Variants in ADPRHL1 observed in about 807,000 individuals in gnomAD.
ADPRHL1 encodes ADP-ribosylhydrolase like 1, also known as inactive ADP-ribosyltransferase ARH2.
ADPRHL1 carries 43 observed loss-of-function variants against 44.1 expected under a neutral mutation model. The ratio of observed to expected loss-of-function variants is 0.98; its 90% CI spans 0.76 to 1.26. The LOEUF is 1.26. ADPRHL1 is among the 50% of genes most tolerant of loss of function. The pLI, the probability that ADPRHL1 is intolerant of heterozygous loss-of-function variation, is 0.00. For synonymous variants in ADPRHL1, 878 were observed against 1,017.4 expected (o/e 0.86, Z 2.61); for missense variants, 2,022 against 2,496.9 (o/e 0.81, Z 4.05).
At chr13:113,442,745 T>A (rs1350734966) in intron 2 of ADPRHL1, among the ~76,000 whole-genome samples, 1 of 152,230 alleles carries the variant, frequency 6.6e-6, no homozygotes, top group Non-Finnish European at 1.5e-5. Flanking sequence ...TTTCATCAAA[T>A]TTGGAACAAT....
Position 113,418,107 on chromosome 13 carries a change from T to G in ADPRHL1, c.1061+4719A>C, listed in dbSNP as rs982924551. ...AGGGGAAGGGGAGAAGGCTTGAGTG[T>G]GGTTTTCGGATGCGTCGGGTTTAAA... On this transcript the variant is annotated intron_variant, in intron 7 of 7. Transcript: ENST00000612156. Among the ~76,000 whole-genome samples, 3 of 152,206 alleles carry G rather than the reference T, an allele frequency of 2.0e-5. No individual in the cohort carries two copies. The East Asian group carries it at 5.8e-4, about 29-fold the overall frequency.
chr13:113,451,364 G>C (rs2044178371), intron 1 of ADPRHL1, among the ~76,000 whole-genome samples: 1 of 151,888 alleles, frequency 6.6e-6, no homozygotes, highest in Non-Finnish European at 1.5e-5. Context: ...TCAGTGCCTG[G>C]GTGGCTTGCC....
In ADPRHL1 at chr13:113,453,151, G is replaced by C; in HGVS notation, c.214+73C>G. The C allele has an allele frequency of 6.5e-7, 1 of 1,545,538 alleles. No homozygotes were observed. Among genetic ancestry groups the C allele is most frequent in the Non-Finnish European group, 8.9e-7 (1 of 1,123,126 alleles). On this transcript the variant is annotated intron_variant, in intron 1 of 7. Coordinates refer to ENST00000612156, the MANE Select transcript of ADPRHL1 (RefSeq NM_001394807.1). This position sits in a 1 kb window ranked among gnomAD's most constrained non-coding sequence, Gnocchi z 5.4. ...CCGCACTGCCTTCAAAGCTCTCGGA[G>C]GCTTACTGGGAGAACTCGAGCAGCC...
intron 1 of ADPRHL1, among the ~76,000 whole-genome samples, chr13:113,451,374 C>T (rs1414798283): frequency 6.6e-6 from 1 of 152,078 alleles, no homozygotes; most frequent in Non-Finnish European, 1.5e-5. Flanking sequence ...GGTGGCTTGC[C>T]GCCCACAGTA....
chr13:113,427,386 C>T (rs772340681), intron 4 of ADPRHL1, among the ~76,000 whole-genome samples: 15 of 152,328 alleles, frequency 9.8e-5, no homozygotes, highest in Non-Finnish European at 1.8e-4. Flanking sequence ...CAGACAACAA[C>T]CTCAGCTGGA....
rs1242063635 is a variant in ADPRHL1, at chr13:113,405,661, G to A, written c.3621C>T (p.Thr1207=). 8.1e-7 allele frequency: 1 copy of A among 1,232,622 alleles called. No homozygotes were observed. Among genetic ancestry groups the A allele is most frequent in the East Asian group, 3.2e-5 (1 of 31,738 alleles). The allele number at this position is 1,232,622 out of a possible 1,614,324, so 76.4% of individuals were successfully genotyped here. A position where few individuals can be genotyped will look rare whatever the true frequency, so the allele number is the denominator to read the frequency against. ...CAGCATCCTCCGGGTGGCGGGCGAG[G>A]GTCGCAATGTCCTCTGGGTGCTGGA... ...ALVQHPEDIA[T]LARHPEDAAA... The change falls in exon 8 of 8, where the codon ACC becomes ACT. Residue 1207 remains threonine (T), a synonymous_variant. Coordinates refer to ENST00000612156, the MANE Select transcript of ADPRHL1 (RefSeq NM_001394807.1).
chr13:113,444,586 T>A lies in ADPRHL1; in HGVS notation c.218A>T (p.Tyr73Phe), dbSNP rs755794055. Residue 73 changes from tyrosine (Y) to phenylalanine (F), a missense_variant, in exon 2 of 8, where the codon TAC becomes TTC. Transcript: ENST00000612156. ...IATAEALTTD[Y>F]WCLDDLYREM... Reference sequence around the variant, plus strand: ...CCGGTACAGATCATCCAGGCACCAGTAGTCTGCGGAAGAAAGGGAGGGCAG... The same window carrying A: ...CCGGTACAGATCATCCAGGCACCAGAAGTCTGCGGAAGAAAGGGAGGGCAG... 4 of 1,613,368 alleles carry A rather than the reference T, an allele frequency of 2.5e-6. No individual in the cohort carries two copies. The highest frequency in any genetic ancestry group is 3.4e-6 in the Non-Finnish European group (4 of 1,179,502).
rs188538537 is a variant in ADPRHL1 at position 113,407,654 on chromosome 13, C to T, written c.1628G>A (p.Gly543Asp). The change falls in exon 8 of 8, where the codon GGC becomes GAC. Residue 543 changes from glycine to aspartate, a missense_variant. Around this residue, in one of 8 missense-constraint regions of ADPRHL1, gnomAD observed 1,221 missense variants for 1,517.8 expected, o/e 0.80. Transcript: ENST00000612156. ...CAGCTTGGACAGCACCGAGCTCTTGCCCATGATCTTCGGCAAGAGGCCCCT... is the reference window on the plus strand; with the variant it reads ...CAGCTTGGACAGCACCGAGCTCTTGTCCATGATCTTCGGCAAGAGGCCCCT... ...AARGLLPKIM[G>D]KSSVLSKLRE... 1 of 1,232,076 alleles carries T rather than the reference C, an allele frequency of 8.1e-7. No homozygotes were observed. 76.3% of individuals were successfully genotyped at this position (1,232,076 alleles called of 1,614,324 possible).
intron 2 of ADPRHL1, among the ~76,000 whole-genome samples, chr13:113,443,311 T>C (rs950045697): frequency 2.0e-5 from 3 of 152,146 alleles, no homozygotes; most frequent in African/African-American, 7.2e-5. Flanking sequence ...GGGTTTTGCT[T>C]TTAGGATTTA....
At chr13:113,411,983 G>A (rs1473253987) in intron 7 of ADPRHL1, among the ~76,000 whole-genome samples, 3 of 152,248 alleles carry the variant, frequency 2.0e-5, no homozygotes, top group South Asian at 2.1e-4. Context: ...TCTGGTCCCC[G>A]CCCCTCGTGG....
chr13:113,413,371 G>A (rs2043869887), intron 7 of ADPRHL1, among the ~76,000 whole-genome samples: 1 of 149,192 alleles, frequency 6.7e-6, no homozygotes, highest in African/African-American at 2.4e-5. Flanking sequence ...GCCTTTCCCA[G>A]AGGCCCAGCT....
intron 7 of ADPRHL1, among the ~76,000 whole-genome samples, chr13:113,413,950 G>A (rs1386164094): frequency 2.6e-5 from 4 of 152,350 alleles, no homozygotes; most frequent in Admixed American, 1.3e-4. Context: ...CCATCACAGC[G>A]CAGGAGACAC....
chr13:113,429,944 T>C (rs999371310), intron 3 of ADPRHL1, among the ~76,000 whole-genome samples: 9 of 152,232 alleles, frequency 5.9e-5, no homozygotes, highest in Admixed American at 1.3e-4. Flanking sequence ...TGCGAGTATA[T>C]ATGTATTTAA....
chr13:113,441,406 T>C lies in ADPRHL1; in HGVS notation c.379+3019A>G, dbSNP rs2139645452. Among the ~76,000 whole-genome samples the C allele has an allele frequency of 6.6e-6, 1 of 152,298 alleles. No homozygotes were observed. Among genetic ancestry groups the C allele is most frequent in the South Asian group, 2.1e-4 (1 of 4,830 alleles). The stretch of plus-strand genomic sequence containing the variant: ...CTCTTTTGCTGGGGCTTACTATTGC[T>C]AACTCTTCTGTGATTTCAGCGGTGG... On this transcript the variant is annotated intron_variant, in intron 2 of 7. Transcript: ENST00000612156. This position sits in a 1 kb window ranked among gnomAD's most constrained non-coding sequence, Gnocchi z 6.0.
chr13:113,405,421 C>T lies in ADPRHL1; in HGVS notation c.3861G>A (p.Pro1287=), dbSNP rs1242395560. ...AESPSYGPGL[P]PSPPENPQAK... The stretch of plus-strand genomic sequence containing the variant: ...CCTGTGGGTTCTCAGGAGGCGACGG[C>T]GGGAGGCCAGGGCCATAGCTGGGGG... The change falls in exon 8 of 8, where the codon CCG becomes CCA. Residue 1287 remains proline, a synonymous_variant. Transcript: ENST00000612156. The T allele has an allele frequency of 9.3e-5, 114 of 1,231,830 alleles. No individual in the cohort carries two copies. The highest frequency in any genetic ancestry group is 1.1e-4 in the Non-Finnish European group (110 of 988,156). 76.3% of individuals were successfully genotyped at this position (1,231,830 alleles called of 1,614,324 possible). A position where few individuals can be genotyped will look rare whatever the true frequency, so the allele number is the denominator to read the frequency against.
Position 113,444,539 on chromosome 13 carries a change from C to G in ADPRHL1, c.265G>C (p.Glu89Gln). 6.2e-7 allele frequency: 1 copy of G among 1,614,194 alleles called. No homozygotes were observed. Among genetic ancestry groups the G allele is most frequent in the Non-Finnish European group, 8.5e-7 (1 of 1,180,046 alleles). ...CGTTCTGGAAGCTTCTCAACGATTT[C>G]CACATAGCATCTCACCATCTCCCGG... Reference protein sequence around the residue: ...LYREMVRCYVEIVEKLPERRP... With the variant: ...LYREMVRCYVQIVEKLPERRP... The change falls in exon 2 of 8, where the codon GAA becomes CAA. Residue 89 changes from glutamate to glutamine, a missense_variant. Glu to Gln is a conservative substitution (Grantham distance 29). Transcript: ENST00000612156.
Position 113,453,236 on chromosome 13 carries a change from C to A in ADPRHL1, c.202G>T (p.Ala68Ser). ...GGGCCCAGCCTACCTGTGGTGAGGG[C>A]CTCGGCGGTTGCGATGTGCATGATG... ...NTIMHIATAE[A>S]LTTDYWCLDD... is the part of the protein sequence containing the mutation. The change falls in exon 1 of 8, where the codon GCC (alanine) becomes TCC (serine). Residue 68 changes from alanine (A) to serine (S), a missense_variant. Transcript: ENST00000612156. This position sits in a 1 kb window ranked among gnomAD's most constrained non-coding sequence, Gnocchi z 5.4. The A allele has an allele frequency of 6.2e-7, 1 of 1,614,116 alleles. No individual in the cohort carries two copies. The highest frequency in any genetic ancestry group is 1.1e-5 in the South Asian group (1 of 91,084).
At chr13:113,436,195 T>C (rs1317492074) in intron 2 of ADPRHL1, among the ~76,000 whole-genome samples, 150 of 71,638 alleles carry the variant, frequency 2.1e-3, no homozygotes, top group African/African-American at 2.6e-3. Flanking sequence ...GGACCCAGCA[T>C]CCACACGTAG....
In ADPRHL1 at chr13:113,406,970, C is replaced by T. The variant is rs2043813685; in HGVS notation, c.2312G>A (p.Gly771Asp). The T allele has an allele frequency of 2.0e-5, 25 of 1,232,232 alleles. No homozygotes were observed. The highest frequency in any genetic ancestry group is 2.5e-5 in the Non-Finnish European group (25 of 988,096). 76.3% of individuals were successfully genotyped at this position (1,232,232 alleles called of 1,614,324 possible). A position where few individuals can be genotyped will look rare whatever the true frequency, so the allele number is the denominator to read the frequency against. Residue 771 changes from glycine (G) to aspartate (D), a missense_variant, in exon 8 of 8, where the codon GGC (glycine) becomes GAC (aspartate). Gly to Asp is a moderately conservative substitution (Grantham distance 94). This residue lies in a region of ADPRHL1 where 1,221 missense variants were observed against 1,517.8 expected (regional missense o/e 0.80). Transcript: ENST00000612156. ...TTCAGGGCCCTCCCCTGCACACTCG[C>T]CTGGGGGCCCAGGAGGCCACGTGAG... ...ARLTWPPGPPGECAGEGPEIT... is the reference protein window; with the variant it reads ...ARLTWPPGPPDECAGEGPEIT...
Sources: allele counts gnomAD v4.1 joint callset (sites outside exome capture counted in the v4.1 genomes callset), GRCh38; gene constraint gnomAD v4.1.1; regional missense constraint gnomAD v4.1.1; non-coding constraint Gnocchi (gnomAD v3.1); transcripts MANE v1.5; gene names NCBI Gene and HGNC (gene_info 2026-07-23, HGNC 2026-07-21).